Variants in GRB2 observed in about 807,000 individuals in gnomAD.
GRB2 encodes the protein growth factor receptor-bound protein 2.
Under a neutral mutation model 27.4 loss-of-function variants are expected in GRB2, and 2 were observed. The ratio of observed to expected loss-of-function variants is 0.07; its 90% CI spans 0.03 to 0.23. The LOEUF is 0.23. Among genes scored for constraint, GRB2 ranks in the 10% least tolerant of loss-of-function variants. The pLI is 1.00. For synonymous variants in GRB2, 94 were observed against 99.6 expected (o/e 0.94, Z 0.33); for missense variants, 102 against 282.4 (o/e 0.36, Z 4.58).
chr17:75,379,519 G>A (rs988010826), intron 2 of GRB2, among the ~76,000 whole-genome samples: 6 of 151,572 alleles, frequency 4.0e-5, no homozygotes, highest in Admixed American at 2.6e-4. Context: ...CCACCTTAGC[G>A]TCCCAAGTAG....
intron 2 of GRB2, among the ~76,000 whole-genome samples, chr17:75,352,592 C>G (rs765503329): frequency 1.1e-4 from 16 of 152,182 alleles, no homozygotes; most frequent in Non-Finnish European, 2.2e-4. Flanking sequence ...TTCTCCTGCT[C>G]ACAATGACAA....
Position 75,358,406 on chromosome 17 carries a change from C to G in GRB2, c.79-25609G>C, listed in dbSNP as rs533736434. 4.8e-4 allele frequency among the ~76,000 whole-genome samples: 73 copies of G among 152,058 alleles called. 1 individual carries two copies. The highest frequency in any genetic ancestry group is 1.7e-3 in the African/African-American group (71 of 41,488). Reference sequence around the variant, plus strand: ...AGTGTGTTTTTGTCTGTTTTAAATTCCAATTTAAGTTGCATTCTAGCCTCT... The same window carrying G: ...AGTGTGTTTTTGTCTGTTTTAAATTGCAATTTAAGTTGCATTCTAGCCTCT... On this transcript the variant is annotated intron_variant, in intron 2 of 5. Transcript: ENST00000316804.
intron 2 of GRB2, among the ~76,000 whole-genome samples, chr17:75,344,080 C>T (rs1256416335): frequency 2.6e-5 from 4 of 152,118 alleles, no homozygotes; most frequent in Admixed American, 6.5e-5. Context: ...ACTATGTAGG[C>T]ATCAATTCAA....
intron 1 of GRB2, among the ~76,000 whole-genome samples, chr17:75,402,980 CAGA>C (rs1389285321): frequency 2.7e-5 from 4 of 146,194 alleles, no homozygotes; most frequent in Admixed American, 6.9e-5. Context: ...GAGGCTGAGG[CAGA>C]AGAATTGCCC....
At position 75,323,694 on chromosome 17, in the gene GRB2, T is replaced by C. The variant is rs376178061; in HGVS notation, c.300-1867A>G. 6.6e-5 allele frequency among the ~76,000 whole-genome samples: 10 copies of C among 152,316 alleles called. No homozygotes were observed. The East Asian group carries it at 1.5e-3, about 23-fold the overall frequency. Reference sequence around the variant, plus strand: ...CGAGCACGTGGCTGCCCCCGTGGTTTTGGCCACCACCCAGTGATTTACTGC... The same window carrying C: ...CGAGCACGTGGCTGCCCCCGTGGTTCTGGCCACCACCCAGTGATTTACTGC... On this transcript the variant is annotated intron_variant, in intron 4 of 5. Coordinates refer to ENST00000316804, the MANE Select transcript of GRB2 (RefSeq NM_002086.5).
At chr17:75,384,355 G>A (rs906289924) in intron 2 of GRB2, among the ~76,000 whole-genome samples, 7 of 152,128 alleles carry the variant, frequency 4.6e-5, no homozygotes, top group Non-Finnish European at 7.4e-5. Context: ...CTTACTATCT[G>A]AATGTAACTT....
At chr17:75,358,583 G>A (rs946229521) in intron 2 of GRB2, among the ~76,000 whole-genome samples, 2 of 151,228 alleles carry the variant, frequency 1.3e-5, no homozygotes, top group African/African-American at 4.9e-5. Context: ...TAACAGACAG[G>A]GCCAGCCGCG....
intron 1 of GRB2, among the ~76,000 whole-genome samples, chr17:75,401,149 TA>T (rs1052419187): frequency 6.7e-6 from 1 of 149,574 alleles, no homozygotes; most frequent in Admixed American, 6.7e-5. Flanking sequence ...AGTATGTGCT[TA>T]AAAAAAAAGG....
Position 75,405,512 on chromosome 17 carries a change from C to G in GRB2, c.-161G>C, listed in dbSNP as rs567222127. ...ACCGTGGCGCAGCTGCTCCGCTCAG[C>G]GTCCGGCCCGCCCCTCCACAACGCT... On this transcript the variant is annotated 5_prime_UTR_variant, in exon 1 of 6. Coordinates refer to ENST00000316804, the MANE Select transcript of GRB2 (RefSeq NM_002086.5). 2.3e-4 allele frequency: 36 copies of G among 153,844 alleles called. No homozygotes were observed. Among genetic ancestry groups the G allele is most frequent in the African/African-American group, 8.7e-4 (36 of 41,596 alleles). 9.5% of individuals were successfully genotyped at this position (153,844 alleles called of 1,614,324 possible).
Position 75,368,530 on chromosome 17 carries a change from T to G in GRB2, c.78+25021A>C, listed in dbSNP as rs150164886. Reference sequence around the variant, plus strand: ...GACCCACTGCGTCAGGCGTTTGTTTTTTTTTTTGTTGTTTTTTTTTTTAAA... The same window carrying G: ...GACCCACTGCGTCAGGCGTTTGTTTGTTTTTTTGTTGTTTTTTTTTTTAAA... On this transcript the variant is annotated intron_variant, in intron 2 of 5. Transcript: ENST00000316804. 2.1e-3 allele frequency among the ~76,000 whole-genome samples: 321 copies of G among 150,718 alleles called. 3 individuals carry two copies. Among genetic ancestry groups the G allele is most frequent in the Middle Eastern group, 0.014 (4 of 280 alleles).
chr17:75,333,903 C>T (rs1281403695), intron 2 of GRB2, among the ~76,000 whole-genome samples: 2 of 152,148 alleles, frequency 1.3e-5, no homozygotes, highest in Admixed American at 1.3e-4. Flanking sequence ...GTAGTGACCC[C>T]ACAGAGCTAA....
chr17:75,399,827 AC>A (rs1330389581), intron 1 of GRB2, among the ~76,000 whole-genome samples: 1 of 149,894 alleles, frequency 6.7e-6, no homozygotes. Context: ...CCACCACCAC[AC>A]CCGGCTTATT....
chr17:75,368,170 C>T (rs1316789398), intron 2 of GRB2, among the ~76,000 whole-genome samples: 1 of 151,308 alleles, frequency 6.6e-6, no homozygotes, highest in Non-Finnish European at 1.5e-5. Flanking sequence ...TCGCCTTGGC[C>T]TCCCAAAGTG....
chr17:75,347,981 T>G (rs1392830428), intron 2 of GRB2, among the ~76,000 whole-genome samples: 1 of 152,204 alleles, frequency 6.6e-6, no homozygotes, highest in African/African-American at 2.4e-5. Context: ...AGTATCCAAA[T>G]TCTACCAACT....
intron 3 of GRB2, among the ~76,000 whole-genome samples, chr17:75,332,092 C>T (rs1239989823): frequency 2.0e-5 from 3 of 152,050 alleles, no homozygotes; most frequent in Non-Finnish European, 2.9e-5. Flanking sequence ...TGGGTGAGAA[C>T]GGGAGGACAG....
intron 2 of GRB2, among the ~76,000 whole-genome samples, chr17:75,382,213 C>T (rs1405508635): frequency 1.1e-5 from 1 of 86,964 alleles, no homozygotes; most frequent in African/African-American, 3.7e-5. Flanking sequence ...CAGAGCAAGA[C>T]TCCGTCTCCA....
intron 2 of GRB2, among the ~76,000 whole-genome samples, chr17:75,374,403 C>CA (rs56404809): frequency 0.57 from 50,980 of 88,762 alleles, 16,226 homozygotes; most frequent in East Asian, 0.92. Context: ...GACTCCATAT[C>CA]AAAAAAAAAA....
In GRB2 at chr17:75,397,232, T is replaced by C. The variant is rs538145396; in HGVS notation, c.-137-3467A>G. ...TTCGCTAAAGGAATTCCAAAGGGTGTGTTTCAGTAAAGACAAAAAAAAATC... is the reference window on the plus strand; with the variant it reads ...TTCGCTAAAGGAATTCCAAAGGGTGCGTTTCAGTAAAGACAAAAAAAAATC... On this transcript the variant is annotated intron_variant, in intron 1 of 5. Transcript: ENST00000316804. 2.0e-5 allele frequency among the ~76,000 whole-genome samples: 3 copies of C among 152,202 alleles called. No homozygotes were observed. In the East Asian group the frequency reaches 5.8e-4, roughly 29 times the overall value.
chr17:75,321,597 A>G (rs2078460450), intron 5 of GRB2, 62 bp downstream of exon 5: 10 of 1,501,852 alleles, frequency 6.7e-6, no homozygotes, highest in Admixed American at 5.1e-5. Context: ...TTCCTACAGG[A>G]ATGCACACTG....
Sources: allele counts gnomAD v4.1 joint callset (sites outside exome capture counted in the v4.1 genomes callset), GRCh38; gene constraint gnomAD v4.1.1; transcripts MANE v1.5; gene names NCBI Gene and HGNC (gene_info 2026-07-23, HGNC 2026-07-21).